SDK1: variants seen among roughly 807,000 people sequenced by gnomAD.
SDK1 encodes the protein protein sidekick-1.
A neutral mutation model predicts 245.5 loss-of-function variants in SDK1; 157 were observed. The observed-to-expected ratio is 0.64, with a 90% CI of 0.56 to 0.73. SDK1 has a LOEUF of 0.73. SDK1 is among the 30% of genes least tolerant of loss of function. The pLI, the probability that SDK1 is intolerant of heterozygous loss-of-function variation, is 0.00. For synonymous variants in SDK1, 1,647 were observed against 1,278.5 expected (o/e 1.29, Z -6.15); for missense variants, 3,583 against 3,002.3 (o/e 1.19, Z -4.52).
chr7:3,752,162 A>G (rs1358829865), intron 4 of SDK1, among the ~76,000 whole-genome samples: 1 of 152,220 alleles, frequency 6.6e-6, no homozygotes, highest in African/African-American at 2.4e-5. Flanking sequence ...CTGATAGGTG[A>G]GCCTGAAATT....
intron 44 of SDK1, among the ~76,000 whole-genome samples, chr7:4,257,768 G>A (rs1170571827): frequency 6.6e-6 from 1 of 152,184 alleles, no homozygotes; most frequent in Non-Finnish European, 1.5e-5. Context: ...GTGGGCACTG[G>A]CCACTCAGAA....
intron 5 of SDK1, among the ~76,000 whole-genome samples, chr7:3,828,935 G>C (rs1275851885): frequency 6.6e-6 from 1 of 151,974 alleles, no homozygotes; most frequent in Non-Finnish European, 1.5e-5. Flanking sequence ...GGGATTACAG[G>C]TGTGAGCTAC....
intron 1 of SDK1, among the ~76,000 whole-genome samples, chr7:3,392,961 A>ATTTTTTTTTTTTT (rs572782966): frequency 4.6e-5 from 4 of 87,112 alleles, no homozygotes; most frequent in Non-Finnish European, 8.4e-5. Context: ...CCTGTTTTAA[A>ATTTTTTTTTTTTT]TTTTTTTTTT....
intron 1 of SDK1, among the ~76,000 whole-genome samples, chr7:3,618,706 C>G (rs1781844227): frequency 6.6e-6 from 1 of 152,176 alleles, no homozygotes; most frequent in African/African-American, 2.4e-5. Context: ...GGAAACTTCT[C>G]TTTTATAGCC....
chr7:3,973,246 G>A (rs1782632299), intron 12 of SDK1, among the ~76,000 whole-genome samples: 1 of 152,174 alleles, frequency 6.6e-6, no homozygotes, highest in Non-Finnish European at 1.5e-5. Context: ...TGTGGAATCA[G>A]CCCTGTTCTA....
intron 1 of SDK1, among the ~76,000 whole-genome samples, chr7:3,584,664 T>C (rs1780622208): frequency 6.6e-6 from 1 of 152,044 alleles, no homozygotes; most frequent in African/African-American, 2.4e-5. Context: ...GCGTGTCCGC[T>C]GAGTGAGCTG....
Position 3,859,994 on chromosome 7 carries a change from A to G in SDK1, c.847+38411A>G, listed in dbSNP as rs547771595. On this transcript the variant is annotated intron_variant, in intron 5 of 44. Transcript: ENST00000404826. ...GAGTGCAGTGGCATGATCTTGGCTC[A>G]CTGCAAGCTCCACCTCCCAGGTTCA... 3.3e-5 allele frequency among the ~76,000 whole-genome samples: 5 copies of G among 151,398 alleles called. No homozygotes were observed. In the South Asian group the frequency reaches 8.4e-4, roughly 25 times the overall value.
intron 42 of SDK1, among the ~76,000 whole-genome samples, chr7:4,238,433 T>A (rs2128237317): frequency 6.6e-6 from 1 of 152,176 alleles, no homozygotes; most frequent in South Asian, 2.1e-4. Context: ...GAATGGTGGC[T>A]TATGCCTGTA....
At chr7:3,387,296 C>A (rs1781633927) in intron 1 of SDK1, among the ~76,000 whole-genome samples, 1 of 151,994 alleles carries the variant, frequency 6.6e-6, no homozygotes, top group Non-Finnish European at 1.5e-5. Flanking sequence ...CCCTCATCCT[C>A]CCTCCCCACC....
At chr7:3,798,074 G>C (rs1779008832) in intron 4 of SDK1, among the ~76,000 whole-genome samples, 1 of 151,896 alleles carries the variant, frequency 6.6e-6, no homozygotes, top group African/African-American at 2.4e-5. Context: ...CCATTTACTA[G>C]AGCCTTTTTC....
chr7:4,178,858 T>G (rs1782421120), intron 35 of SDK1, among the ~76,000 whole-genome samples: 2 of 152,254 alleles, frequency 1.3e-5, no homozygotes, highest in African/African-American at 4.8e-5. Context: ...TTACTGTGGC[T>G]TTGCTCTACG....
At chr7:3,795,035 C>T (rs1013351241) in intron 4 of SDK1, among the ~76,000 whole-genome samples, 3 of 152,144 alleles carry the variant, frequency 2.0e-5, no homozygotes, top group Non-Finnish European at 4.4e-5. Context: ...ATGTAGCTCC[C>T]TTTATTTCTT....
chr7:3,445,999 G>A (rs1318018925), intron 1 of SDK1, among the ~76,000 whole-genome samples: 2 of 151,524 alleles, frequency 1.3e-5, no homozygotes, highest in Admixed American at 6.6e-5. Flanking sequence ...ATCTTCATTT[G>A]CCAAGGATAA....
chr7:3,878,980 A>G (rs1008010913), intron 5 of SDK1, among the ~76,000 whole-genome samples: 2 of 152,194 alleles, frequency 1.3e-5, no homozygotes. Context: ...AATACAGATG[A>G]TCATAATGAA....
chr7:3,863,828 T>G (rs1405327699), intron 5 of SDK1, among the ~76,000 whole-genome samples: 1 of 152,230 alleles, frequency 6.6e-6, no homozygotes, highest in African/African-American at 2.4e-5. Flanking sequence ...GTTTATCCAC[T>G]TATTCCCTGA....
chr7:3,793,904 G>A lies in SDK1; in HGVS notation c.714-27546G>A, dbSNP rs190754480. Reference sequence around the variant, plus strand: ...CCTGATGAGGACCTCATTGGTGTCCGGGAGCAGGGTGCTCCCTGCCCTGTT... The same window carrying A: ...CCTGATGAGGACCTCATTGGTGTCCAGGAGCAGGGTGCTCCCTGCCCTGTT... On this transcript the variant is annotated intron_variant, in intron 4 of 44. Transcript: ENST00000404826. 8.5e-5 allele frequency among the ~76,000 whole-genome samples: 13 copies of A among 152,194 alleles called. No individual in the cohort carries two copies. In the East Asian group the frequency reaches 2.1e-3, roughly 25 times the overall value.
intron 22 of SDK1, among the ~76,000 whole-genome samples, chr7:4,108,132 G>A (rs577970004): frequency 1.3e-5 from 2 of 152,206 alleles, no homozygotes; most frequent in South Asian, 4.2e-4. Context: ...TTCTCTTTTT[G>A]CCCATCAGGA....
In SDK1 at chr7:4,110,703, A is replaced by G. The variant is rs369144668; in HGVS notation, c.3365A>G (p.Tyr1122Cys). 82 of 1,613,788 alleles carry G rather than the reference A, an allele frequency of 5.1e-5. No homozygotes were observed. The highest frequency in any genetic ancestry group is 1.4e-4 in the South Asian group (13 of 91,072). Residue 1122 changes from tyrosine to cysteine, a missense_variant, in exon 23 of 45, where the codon TAT becomes TGT. Physicochemically the swap from Tyr to Cys is radical, Grantham distance 194. Transcript: ENST00000404826. ...IGDEEEWVTL[Y>C]EEENEPDAQM... Reference sequence around the variant, plus strand: ...GACGAGGAGGAGTGGGTCACCCTCTATGAAGAGGAGAATGAGCCTGATGCC... The same window carrying G: ...GACGAGGAGGAGTGGGTCACCCTCTGTGAAGAGGAGAATGAGCCTGATGCC...
At chr7:4,051,940 T>C (rs1301368938) in intron 19 of SDK1, 110 bp downstream of exon 19, 1 of 978,966 alleles carries the variant, frequency 1.0e-6, no homozygotes, top group African/African-American at 1.6e-5. Context: ...AGGCCCCGGA[T>C]TTTTGGAGTG....
Sources: allele counts gnomAD v4.1 joint callset (sites outside exome capture counted in the v4.1 genomes callset), GRCh38; gene constraint gnomAD v4.1.1; transcripts MANE v1.5; gene names NCBI Gene and HGNC (gene_info 2026-07-23, HGNC 2026-07-21).